The following ZMIZ1 variants were observed in gnomAD, a reference collection of about 807,000 sequenced individuals.
ZMIZ1 encodes zinc finger MIZ-type containing 1, also known as zinc finger MIZ domain-containing protein 1.
Under a neutral mutation model 113.9 loss-of-function variants are expected in ZMIZ1, and 17 were observed. The ratio of observed to expected loss-of-function variants is 0.15; its 90% CI spans 0.10 to 0.22. The LOEUF (loss-of-function observed/expected upper bound fraction) is 0.22. ZMIZ1 is among the 10% of genes least tolerant of loss of function. The pLI is 1.00. For missense variants in ZMIZ1, 1,059 were observed against 1,477.8 expected (o/e 0.72, Z 4.65); for synonymous variants, 607 against 603.1 (o/e 1.01, Z -0.09).
chr10:79,071,471 T>G (rs2132146703), intron 1 of ZMIZ1, among the ~76,000 whole-genome samples: 1 of 152,362 alleles, frequency 6.6e-6, no homozygotes, highest in East Asian at 1.9e-4. Flanking sequence ...AATTCCAGCC[T>G]GCGTTCGCTG....
At position 79,070,390 on chromosome 10, in the gene ZMIZ1, C is replaced by T. The variant is rs1842224033; in HGVS notation, c.-337+1120C>T. ...GGCGGCCGCCTTCCCGGCCATTGTGCGCCAGCAGATTTTCACGGGAGACTG... is the reference window on the plus strand; with the variant it reads ...GGCGGCCGCCTTCCCGGCCATTGTGTGCCAGCAGATTTTCACGGGAGACTG... On this transcript the variant is annotated intron_variant, in intron 1 of 24. Transcript: ENST00000334512. 2.0e-5 allele frequency among the ~76,000 whole-genome samples: 3 copies of T among 152,144 alleles called. No homozygotes were observed. The South Asian group carries it at 6.2e-4, about 31-fold the overall frequency.
At position 79,314,864 on chromosome 10, in the gene ZMIZ1, T is replaced by C. The variant is rs755681240; in HGVS notation, c.*2115T>C. ...CATGTGGCCACCCTTGCCCAGTGTC[T>C]GTGGCCTGGCAAGTGGCCACGCCCT... On this transcript the variant is annotated 3_prime_UTR_variant, in exon 25 of 25. Coordinates refer to ENST00000334512, the MANE Select transcript of ZMIZ1 (RefSeq NM_020338.4). The C allele has an allele frequency of 2.6e-5, 4 of 153,440 alleles. No homozygotes were observed. Among genetic ancestry groups the C allele is most frequent in the Non-Finnish European group, 4.4e-5 (3 of 68,922 alleles). 9.5% of individuals were successfully genotyped at this position (153,440 alleles called of 1,614,324 possible).
rs374709854 is a variant in ZMIZ1 at position 79,299,030 on chromosome 10, A to C, written c.1667-20A>C. The C allele has an allele frequency of 1.3e-6, 2 of 1,592,796 alleles. No homozygotes were observed. On this transcript the variant is annotated intron_variant, in intron 15 of 24. Coordinates refer to ENST00000334512, the MANE Select transcript of ZMIZ1 (RefSeq NM_020338.4). ...GGCAGCTGAGGCTTGTGGCTCACCCACCTCCTCTCCTCGCCCCAGCCAACC... is the reference window on the plus strand; with the variant it reads ...GGCAGCTGAGGCTTGTGGCTCACCCCCCTCCTCTCCTCGCCCCAGCCAACC...
At chr10:79,135,898 C>A (rs1300968261) in intron 2 of ZMIZ1, among the ~76,000 whole-genome samples, 1 of 152,224 alleles carries the variant, frequency 6.6e-6, no homozygotes, top group Non-Finnish European at 1.5e-5. Flanking sequence ...ACCCACCCAC[C>A]CGCCGCCGCT....
At chr10:79,106,433 A>G (rs898504236) in intron 1 of ZMIZ1, among the ~76,000 whole-genome samples, 3 of 152,130 alleles carry the variant, frequency 2.0e-5, no homozygotes, top group African/African-American at 7.2e-5. Flanking sequence ...AATGCCTGCC[A>G]TGGGTGTGGG....
chr10:79,233,146 G>C (rs561143010), intron 7 of ZMIZ1, among the ~76,000 whole-genome samples: 2 of 152,356 alleles, frequency 1.3e-5, no homozygotes, highest in East Asian at 1.9e-4. Context: ...CCCTTGTTGA[G>C]GGGGAGCAGC....
chr10:79,099,058 A>G (rs932734912), intron 1 of ZMIZ1, among the ~76,000 whole-genome samples: 4 of 152,298 alleles, frequency 2.6e-5, no homozygotes, highest in Admixed American at 6.5e-5. Context: ...TTCCCAGCTC[A>G]TCTGCTTGAG....
chr10:79,141,140 G>A (rs2132414283), intron 3 of ZMIZ1, among the ~76,000 whole-genome samples: 1 of 152,294 alleles, frequency 6.6e-6, no homozygotes, highest in South Asian at 2.1e-4. Context: ...CAGGGGACGA[G>A]GGAGAGGGGA....
intron 3 of ZMIZ1, among the ~76,000 whole-genome samples, chr10:79,150,247 C>A (rs1845658976): frequency 6.6e-6 from 1 of 152,218 alleles, no homozygotes. Flanking sequence ...CCAGACACCA[C>A]CTTTGCCCCA....
chr10:79,075,593 CTGCACACA>C (rs1842446903), intron 1 of ZMIZ1, among the ~76,000 whole-genome samples: 1 of 53,782 alleles, frequency 1.9e-5, no homozygotes, highest in African/African-American at 6.5e-5. Flanking sequence ...ACATGCACAC[CTGCACACA>C]TGCAAACGCA....
intron 7 of ZMIZ1, among the ~76,000 whole-genome samples, chr10:79,262,978 C>T (rs1406551999): frequency 6.6e-6 from 1 of 152,246 alleles, no homozygotes; most frequent in African/African-American, 2.4e-5. Context: ...GACGTAGAAA[C>T]ATGAAATGTG....
intron 1 of ZMIZ1, among the ~76,000 whole-genome samples, chr10:79,099,191 G>T (rs777711730): frequency 5.9e-5 from 9 of 152,102 alleles, no homozygotes; most frequent in Admixed American, 5.9e-4. Flanking sequence ...TTGGGTGTGC[G>T]CACATTCTGA....
chr10:79,143,825 G>A (rs995142248), intron 3 of ZMIZ1, among the ~76,000 whole-genome samples: 17 of 152,178 alleles, frequency 1.1e-4, no homozygotes, highest in African/African-American at 3.4e-4. Context: ...GTGTCCAGGC[G>A]AAGGAGACTC....
intron 1 of ZMIZ1, among the ~76,000 whole-genome samples, chr10:79,093,165 C>T (rs905166454): frequency 7.0e-6 from 1 of 143,552 alleles, no homozygotes. Flanking sequence ...CACACACACA[C>T]ACACACACAC....
chr10:79,218,583 G>A (rs1848831080), intron 7 of ZMIZ1, among the ~76,000 whole-genome samples: 1 of 99,798 alleles, frequency 1.0e-5, no homozygotes, highest in Non-Finnish European at 2.1e-5. Flanking sequence ...ATAATTAGAG[G>A]GGTGTGTGTG....
chr10:79,148,370 T>C (rs1845577991), intron 3 of ZMIZ1, among the ~76,000 whole-genome samples: 1 of 152,158 alleles, frequency 6.6e-6, no homozygotes, highest in African/African-American at 2.4e-5. Context: ...AGCTTAGGCG[T>C]ACTTCCCCAG....
intron 1 of ZMIZ1, among the ~76,000 whole-genome samples, chr10:79,085,453 C>T (rs536412198): frequency 6.6e-6 from 1 of 152,344 alleles, no homozygotes; most frequent in African/African-American, 2.4e-5. Flanking sequence ...GCATAACGCC[C>T]CACCCTGACT....
intron 1 of ZMIZ1, among the ~76,000 whole-genome samples, chr10:79,074,784 G>A (rs1055994363): frequency 1.3e-5 from 2 of 152,240 alleles, no homozygotes; most frequent in African/African-American, 2.4e-5. Flanking sequence ...GGACAAGGCT[G>A]TAGCTAGTGG....
At chr10:79,285,698 G>A in intron 8 of ZMIZ1, 1 of 412,558 alleles carries the variant, frequency 2.4e-6, no homozygotes, top group South Asian at 1.7e-5. Context: ...ATTGGTGTGT[G>A]AAGACATCAT....
Sources: allele counts gnomAD v4.1 joint callset (sites outside exome capture counted in the v4.1 genomes callset), GRCh38; gene constraint gnomAD v4.1.1; transcripts MANE v1.5; gene names NCBI Gene and HGNC (gene_info 2026-07-23, HGNC 2026-07-21).